The following UGT2B17 variants were observed in gnomAD, a reference collection of about 807,000 sequenced individuals.
UGT2B17 encodes UDP glucuronosyltransferase family 2 member B17, also known as UDP-glucuronosyltransferase 2B17.
Under a neutral mutation model 48.2 loss-of-function variants are expected in UGT2B17, and 21 were observed. That is an observed-to-expected ratio of 0.44 (90% CI 0.31 to 0.63). The LOEUF is 0.63. Among genes scored for constraint, UGT2B17 ranks in the 20% least tolerant of loss-of-function variants. The pLI is 0.08. For missense variants in UGT2B17, 402 were observed against 696.1 expected (o/e 0.58, Z 4.75); for synonymous variants, 146 against 238.4 (o/e 0.61, Z 3.57).
In UGT2B17 at chr4:68,572,051, T is replaced by C. The variant is rs185112456; in HGVS notation, c.-64-3503A>G. Among the ~76,000 whole-genome samples, 124 of 126,302 alleles carry C rather than the reference T, an allele frequency of 9.8e-4. 35 individuals carry two copies. Among genetic ancestry groups the C allele is most frequent in the Non-Finnish European group, 1.3e-4 (8 of 59,540 alleles). 82.9% of individuals were successfully genotyped at this position (126,302 alleles called of 152,430 possible). A position where few individuals can be genotyped will look rare whatever the true frequency, so the allele number is the denominator to read the frequency against. On this transcript the variant is annotated intron_variant, in intron 1 of 6. Coordinates refer to ENST00000317746, the MANE Select transcript of UGT2B17 (RefSeq NM_001077.4). ...TCATGCAAGAGGGGCTGAGTTTTCC[T>C]TTTTGGAGTCAAACACGATCTTTTT...
chr4:68,564,423 C>T (rs1731161025), intron 3 of UGT2B17, among the ~76,000 whole-genome samples: 1 of 119,086 alleles, frequency 8.4e-6, no homozygotes, highest in Non-Finnish European at 1.7e-5. Flanking sequence ...CGAGTAGCTG[C>T]TATTAGAGGT....
chr4:68,564,546 C>T (rs1731164482), intron 3 of UGT2B17, among the ~76,000 whole-genome samples: 1 of 123,870 alleles, frequency 8.1e-6, no homozygotes, highest in Admixed American at 8.3e-5. Context: ...GCCTCGGCCT[C>T]CCAAAGTGCT....
intron 6 of UGT2B17, among the ~76,000 whole-genome samples, chr4:68,547,883 C>G (rs1730846181): frequency 7.9e-6 from 1 of 126,506 alleles, no homozygotes; most frequent in Non-Finnish European, 1.7e-5. Context: ...GAGATACCAT[C>G]TCACCCCAGT....
chr4:68,549,838 G>T lies in UGT2B17; in HGVS notation c.1313+839C>A, dbSNP rs1347924433. 4.0e-5 allele frequency among the ~76,000 whole-genome samples: 5 copies of T among 125,688 alleles called. 1 individual carries two copies. Among genetic ancestry groups the T allele is most frequent in the Non-Finnish European group, 8.4e-5 (5 of 59,344 alleles). The allele number at this position is 125,688 out of a possible 152,430, so 82.5% of individuals were successfully genotyped here. A position where few individuals can be genotyped will look rare whatever the true frequency, so the allele number is the denominator to read the frequency against. ...AAACATATTTTTACACAGAAAATAT[G>T]TATAACAATATTCGTAAGTGCCAAA... is the stretch of plus-strand genomic sequence containing the variant. On this transcript the variant is annotated intron_variant, in intron 6 of 6. Transcript: ENST00000317746.
chr4:68,550,188 G>A lies in UGT2B17; in HGVS notation c.1313+489C>T, dbSNP rs1314868770. ...TCACAAAAATGTTATTTAGGGTTGT[G>A]GCTTCGTAACTATGTAAACATACTA... is the stretch of plus-strand genomic sequence containing the variant. On this transcript the variant is annotated intron_variant, in intron 6 of 6. Transcript: ENST00000317746. 4.0e-5 allele frequency among the ~76,000 whole-genome samples: 5 copies of A among 123,552 alleles called. 1 individual carries two copies. Among genetic ancestry groups the A allele is most frequent in the Non-Finnish European group, 8.5e-5 (5 of 58,752 alleles). The allele number at this position is 123,552 out of a possible 152,430, so 81.1% of individuals were successfully genotyped here. A position where few individuals can be genotyped will look rare whatever the true frequency, so the allele number is the denominator to read the frequency against.
rs1361550317 is a variant in UGT2B17 at position 68,563,790 on chromosome 4, C to T, written c.873+1782G>A. ...TTGCAATACAACTTTAGCTTTCCAG[C>T]GTGTTCAACTGACTGCCCAAACTTA... On this transcript the variant is annotated intron_variant, in intron 3 of 6. Transcript: ENST00000317746. Among the ~76,000 whole-genome samples, 4 of 125,378 alleles carry T rather than the reference C, an allele frequency of 3.2e-5. 1 individual carries two copies. The highest frequency in any genetic ancestry group is 6.7e-5 in the Non-Finnish European group (4 of 59,462). 82.3% of individuals were successfully genotyped at this position (125,378 alleles called of 152,430 possible).
chr4:68,537,958 ATATCAAGTCTATGG>A (rs1730585994), intron 6 of UGT2B17, 54 bp from the exon 7 acceptor site: 1 of 1,208,102 alleles, frequency 8.3e-7, no homozygotes, highest in Admixed American at 2.5e-5. Flanking sequence ...TTGCTTAAGC[ATATCAAGTCTATGG>A]ATGGTCTTTG....
intron 6 of UGT2B17, among the ~76,000 whole-genome samples, chr4:68,542,598 A>T (rs1324508707): frequency 1.6e-5 from 2 of 126,394 alleles, no homozygotes; most frequent in Non-Finnish European, 3.4e-5. Context: ...TGGGTGCAGG[A>T]CAGTGGGTGC....
intron 6 of UGT2B17, among the ~76,000 whole-genome samples, chr4:68,545,962 C>A (rs1317799948): frequency 8.0e-6 from 1 of 125,446 alleles, no homozygotes; most frequent in African/African-American, 2.7e-5. Context: ...AGTCCAGGAC[C>A]AGATGGATTC....
intron 6 of UGT2B17, among the ~76,000 whole-genome samples, chr4:68,547,532 A>G (rs1730838231): frequency 8.0e-6 from 1 of 124,896 alleles, no homozygotes; most frequent in African/African-American, 2.7e-5. Context: ...CTTCATGACT[A>G]AAACACCAAA....
At position 68,555,994 on chromosome 4, in the gene UGT2B17, A is replaced by G. The variant is rs1482951529; in HGVS notation, c.1006-4083T>C. On this transcript the variant is annotated intron_variant, in intron 4 of 6. Coordinates refer to ENST00000317746, the MANE Select transcript of UGT2B17 (RefSeq NM_001077.4). ...ATATGAGAAAGAATCTTGTGTGGTAAATTTAGTCCTAGAATAAAATGATCA... is the reference window on the plus strand; with the variant it reads ...ATATGAGAAAGAATCTTGTGTGGTAGATTTAGTCCTAGAATAAAATGATCA... Among the ~76,000 whole-genome samples the G allele has an allele frequency of 6.7e-5, 8 of 119,078 alleles. 1 individual carries two copies. Among genetic ancestry groups the G allele is most frequent in the African/African-American group, 2.3e-4 (8 of 35,042 alleles). 78.1% of individuals were successfully genotyped at this position (119,078 alleles called of 152,430 possible). A position where few individuals can be genotyped will look rare whatever the true frequency, so the allele number is the denominator to read the frequency against.
chr4:68,538,884 G>A (rs1272095049), intron 6 of UGT2B17, among the ~76,000 whole-genome samples: 2 of 125,014 alleles, frequency 1.6e-5, no homozygotes, highest in Admixed American at 8.3e-5. Context: ...TACACCTTTT[G>A]TTCCCCGTGT....
chr4:68,550,562 G>A (rs1483938534), intron 6 of UGT2B17, 115 bp downstream of exon 6: 1 of 826,998 alleles, frequency 1.2e-6, no homozygotes, highest in African/African-American at 1.8e-5. Context: ...TTTTACATTG[G>A]TTAAATCACT....
At chr4:68,551,316 A>C (rs1346389097) in intron 5 of UGT2B17, among the ~76,000 whole-genome samples, 4 of 125,596 alleles carry the variant, frequency 3.2e-5, no homozygotes, top group African/African-American at 1.1e-4. Flanking sequence ...AAAATACTTA[A>C]ATTTTTTTTT....
At position 68,544,094 on chromosome 4, in the gene UGT2B17, A is replaced by G. The variant is rs1218114012; in HGVS notation, c.1314-6190T>C. On this transcript the variant is annotated intron_variant, in intron 6 of 6. Transcript: ENST00000317746. ...GACATACAGAGAATGCCATAAAGAT[A>G]CTCCTCAAGAAGAGCAACTCCAAGA... 1.6e-5 allele frequency among the ~76,000 whole-genome samples: 2 copies of G among 125,550 alleles called. 1 individual carries two copies. Among genetic ancestry groups the G allele is most frequent in the East Asian group, 1.6e-3 (2 of 1,290 alleles). The allele number at this position is 125,550 out of a possible 152,430, so 82.4% of individuals were successfully genotyped here. A position where few individuals can be genotyped will look rare whatever the true frequency, so the allele number is the denominator to read the frequency against.
Position 68,568,075 on chromosome 4 carries a change from A to T in UGT2B17, c.410T>A (p.Leu137His). The stretch of plus-strand genomic sequence containing the variant: ...TTTTGACTCTTGTAGTTTTCTCATA[A>T]GTTTCTTGTTCAAAACTGCATCTTC... Reference protein sequence around the residue: ...LCEDAVLNKKLMRKLQESKFD... With the variant: ...LCEDAVLNKKHMRKLQESKFD... Residue 137 changes from leucine to histidine, a missense_variant, in exon 2 of 7, where the codon CTT becomes CAT. Physicochemically the swap from Leu to His is moderately conservative, Grantham distance 99 (BLOSUM62 -3). Around this residue, in one of 5 missense-constraint regions of UGT2B17, gnomAD observed 84 missense variants for 92.6 expected, o/e 0.91. Coordinates refer to ENST00000317746, the MANE Select transcript of UGT2B17 (RefSeq NM_001077.4). 1 of 1,382,998 alleles carries T rather than the reference A, an allele frequency of 7.2e-7. No homozygotes were observed. The highest frequency in any genetic ancestry group is 9.5e-7 in the Non-Finnish European group (1 of 1,055,394). The allele number at this position is 1,382,998 out of a possible 1,614,324, so 85.7% of individuals were successfully genotyped here.
chr4:68,555,585 T>A lies in UGT2B17; in HGVS notation c.1006-3674A>T, dbSNP rs190182604. On this transcript the variant is annotated intron_variant, in intron 4 of 6. Transcript: ENST00000317746. ...CACTGTCTCAGTTATAATTTTGCAATGGCAATTCCATAACTTTAAATGATG... is the reference window on the plus strand; with the variant it reads ...CACTGTCTCAGTTATAATTTTGCAAAGGCAATTCCATAACTTTAAATGATG... Among the ~76,000 whole-genome samples, 377 of 126,324 alleles carry A rather than the reference T, an allele frequency of 3.0e-3. 84 individuals carry two copies. The highest frequency in any genetic ancestry group is 9.3e-3 in the African/African-American group (347 of 37,262). The allele number at this position is 126,324 out of a possible 152,430, so 82.9% of individuals were successfully genotyped here. A position where few individuals can be genotyped will look rare whatever the true frequency, so the allele number is the denominator to read the frequency against.
At chr4:68,555,192 T>G (rs892333254) in intron 4 of UGT2B17, among the ~76,000 whole-genome samples, 1 of 125,914 alleles carries the variant, frequency 7.9e-6, no homozygotes, top group African/African-American at 2.7e-5. Context: ...ATCAAGAAAT[T>G]TCATACTTAT....
In UGT2B17 at chr4:68,552,300, A is replaced by G. The variant is rs1328961858; in HGVS notation, c.1006-389T>C. On this transcript the variant is annotated intron_variant, in intron 4 of 6. Transcript: ENST00000317746. Reference sequence around the variant, plus strand: ...AGATAAATGCATATCTAATTGCCTCATTTGGAGAGGCTAATCAGAAACTCA... The same window carrying G: ...AGATAAATGCATATCTAATTGCCTCGTTTGGAGAGGCTAATCAGAAACTCA... Among the ~76,000 whole-genome samples the G allele has an allele frequency of 2.4e-5, 3 of 125,870 alleles. 1 individual carries two copies. The highest frequency in any genetic ancestry group is 8.1e-5 in the African/African-American group (3 of 36,890). 82.6% of individuals were successfully genotyped at this position (125,870 alleles called of 152,430 possible).
Sources: allele counts gnomAD v4.1 joint callset (sites outside exome capture counted in the v4.1 genomes callset), GRCh38; gene constraint gnomAD v4.1.1; regional missense constraint gnomAD v4.1.1; transcripts MANE v1.5; gene names NCBI Gene and HGNC (gene_info 2026-07-23, HGNC 2026-07-21).